The following FER1L6 variants were observed in gnomAD, a reference collection of about 807,000 sequenced individuals.
FER1L6 encodes the protein fer-1 like family member 6.
FER1L6 carries 177 observed loss-of-function variants against 219.2 expected under a neutral mutation model. That is an observed-to-expected ratio of 0.81 (90% confidence interval 0.71 to 0.91). The LOEUF (loss-of-function observed/expected upper bound fraction) is 0.91. Among genes scored for constraint, FER1L6 ranks in the 40% least tolerant of loss-of-function variants. The pLI is 0.00. For missense variants in FER1L6, 2,153 were observed against 2,259.9 expected (o/e 0.95, Z 0.96); for synonymous variants, 768 against 824.3 (o/e 0.93, Z 1.17).
chr8:124,061,365 G>A (rs2130828255), intron 24 of FER1L6, among the ~76,000 whole-genome samples: 1 of 152,146 alleles, frequency 6.6e-6, no homozygotes, highest in Non-Finnish European at 1.5e-5. Context: ...AGTTAGCAAA[G>A]CCTACAATGG....
At chr8:124,032,408 G>T (rs2130692593) in intron 18 of FER1L6, among the ~76,000 whole-genome samples, 2 of 152,164 alleles carry the variant, frequency 1.3e-5, no homozygotes, top group South Asian at 4.2e-4. Flanking sequence ...TTGGGTGACA[G>T]AGCAAGACTG....
rs773138663 is a variant in FER1L6, at chr8:123,943,239, A to C, written c.-7-12753A>C. Among the ~76,000 whole-genome samples the C allele has an allele frequency of 2.6e-5, 4 of 152,242 alleles. No individual in the cohort carries two copies. In the South Asian group the frequency reaches 8.3e-4, roughly 32 times the overall value. ...AAAACATGAGCAGGGGGTGGTGAAC[A>C]TGATTAAAAATCCAAGTATGTCTGG... is the stretch of plus-strand genomic sequence containing the variant. On this transcript the variant is annotated intron_variant, in intron 1 of 40. Transcript: ENST00000522917.
Position 124,097,672 on chromosome 8 carries a change from A to G in FER1L6, c.4785-113A>G, listed in dbSNP as rs1387438922. On this transcript the variant is annotated intron_variant, in intron 36 of 40. Transcript: ENST00000522917. The stretch of plus-strand genomic sequence containing the variant: ...AAGCCCCTAAGTGTTGATATTTCTG[A>G]ACTTGGCAAACTTTAGGAAACTTAT... 8 of 674,966 alleles carry G rather than the reference A, an allele frequency of 1.2e-5. No homozygotes were observed. The Admixed American group carries it at 1.5e-4, about 12-fold the overall frequency. 41.8% of individuals were successfully genotyped at this position (674,966 alleles called of 1,614,324 possible). A position where few individuals can be genotyped will look rare whatever the true frequency, so the allele number is the denominator to read the frequency against.
chr8:124,035,255 C>A, intron 18 of FER1L6, 22 bp from the exon 19 acceptor site: 1 of 1,606,586 alleles, frequency 6.2e-7, no homozygotes, highest in East Asian at 2.2e-5. Context: ...ATAAGTCAGT[C>A]TTTTTTGTAA....
chr8:124,001,885 G>C (rs1314552551), intron 12 of FER1L6, among the ~76,000 whole-genome samples: 1 of 152,212 alleles, frequency 6.6e-6, no homozygotes, highest in Non-Finnish European at 1.5e-5. Context: ...AATATGATGT[G>C]ACTTTAGGGA....
At chr8:123,989,731 A>G (rs1257031217) in intron 12 of FER1L6, among the ~76,000 whole-genome samples, 3 of 152,228 alleles carry the variant, frequency 2.0e-5, no homozygotes, top group Non-Finnish European at 4.4e-5. Flanking sequence ...GTTTGCTGCA[A>G]AAGACATTAT....
At position 123,874,248 on chromosome 8, in the gene FER1L6, C is replaced by T. The variant is rs141096845; in HGVS notation, c.-8+22063C>T. The stretch of plus-strand genomic sequence containing the variant: ...TTATCTCTTCTACTTTCCCAGATGA[C>T]GATTTCATACCTTCTTTTCTCAAGT... On this transcript the variant is annotated intron_variant, in intron 1 of 40. Coordinates refer to ENST00000522917, the MANE Select transcript of FER1L6 (RefSeq NM_001039112.2). Among the ~76,000 whole-genome samples, 685 of 152,288 alleles carry T rather than the reference C, an allele frequency of 4.5e-3. 5 individuals are homozygous for T. Among genetic ancestry groups the T allele is most frequent in the African/African-American group, 0.014 (591 of 41,564 alleles).
At chr8:124,069,290 A>G (rs1820963657) in intron 28 of FER1L6, 70 bp from the exon 29 acceptor site, 6 of 1,145,726 alleles carry the variant, frequency 5.2e-6, no homozygotes, top group South Asian at 1.3e-5. Context: ...AAAAGGAAAG[A>G]AGGAGCTTGG....
At chr8:123,920,045 T>C (rs910669446) in intron 1 of FER1L6, among the ~76,000 whole-genome samples, 1 of 152,218 alleles carries the variant, frequency 6.6e-6, no homozygotes, top group Non-Finnish European at 1.5e-5. Flanking sequence ...CAAATTCTTA[T>C]GAAGAATTGC....
intron 25 of FER1L6, among the ~76,000 whole-genome samples, chr8:124,063,968 C>T (rs1410372237): frequency 1.3e-5 from 2 of 152,184 alleles, no homozygotes; most frequent in East Asian, 3.9e-4. Context: ...CTTCATGGCT[C>T]TCTGGAGCTC....
intron 12 of FER1L6, among the ~76,000 whole-genome samples, chr8:124,001,577 C>T (rs1215064824): frequency 1.3e-5 from 2 of 152,168 alleles, no homozygotes; most frequent in African/African-American, 4.8e-5. Context: ...AACTCTAAGT[C>T]TCCTTCTTTT....
intron 1 of FER1L6, among the ~76,000 whole-genome samples, chr8:123,926,656 G>A (rs1228951706): frequency 6.6e-6 from 1 of 152,136 alleles, no homozygotes; most frequent in East Asian, 1.9e-4. Context: ...TATAAACTAT[G>A]AATAGCCACA....
rs113169497 is a variant in FER1L6 at position 124,091,540 on chromosome 8, C to T, written c.4509C>T (p.Asn1503=). The part of the protein sequence containing the change: ...YFHPGKIQIG[N]QVFSGKTIFT... Reference sequence around the variant, plus strand: ...ACCCTGGGAAAATACAGATAGGAAACCAAGTCTTTTCTGGAAAAACTATCT... The same window carrying T: ...ACCCTGGGAAAATACAGATAGGAAATCAAGTCTTTTCTGGAAAAACTATCT... The change falls in exon 34 of 41, where the codon AAC becomes AAT. Residue 1503 remains asparagine (N), a synonymous_variant. Coordinates refer to ENST00000522917, the MANE Select transcript of FER1L6 (RefSeq NM_001039112.2). The T allele has an allele frequency of 8.5e-4, 1,369 of 1,613,982 alleles. 2 individuals carry two copies. The highest frequency in any genetic ancestry group is 1.3e-3 in the Admixed American group (81 of 60,004).
intron 19 of FER1L6, among the ~76,000 whole-genome samples, chr8:124,039,092 C>T (rs940685425): frequency 6.6e-6 from 1 of 152,166 alleles, no homozygotes; most frequent in Non-Finnish European, 1.5e-5. Context: ...TATCCCAGCA[C>T]AGTGTGCTCA....
At chr8:123,903,577 A>G (rs565871625) in intron 1 of FER1L6, among the ~76,000 whole-genome samples, 14 of 152,198 alleles carry the variant, frequency 9.2e-5, no homozygotes, top group Non-Finnish European at 1.9e-4. Flanking sequence ...TTCAAAGAGC[A>G]TGTTTACGTA....
At chr8:123,933,136 G>C (rs1486058430) in intron 1 of FER1L6, among the ~76,000 whole-genome samples, 1 of 152,200 alleles carries the variant, frequency 6.6e-6, no homozygotes, top group African/African-American at 2.4e-5. Context: ...AGGTCTGGCT[G>C]TTCCCACTCC....
At chr8:124,030,334 G>A (rs754738283) in intron 18 of FER1L6, among the ~76,000 whole-genome samples, 13 of 152,074 alleles carry the variant, frequency 8.5e-5, no homozygotes, top group African/African-American at 2.2e-4. Context: ...TTGCGGTCCC[G>A]GGTTGCATGA....
chr8:124,062,813 A>G (rs1369447225), intron 25 of FER1L6, among the ~76,000 whole-genome samples: 1 of 152,176 alleles, frequency 6.6e-6, no homozygotes, highest in Non-Finnish European at 1.5e-5. Flanking sequence ...CCCAGTAAAT[A>G]CGCACATGTA....
At chr8:124,014,931 T>C (rs1444055267) in intron 15 of FER1L6, among the ~76,000 whole-genome samples, 1 of 152,098 alleles carries the variant, frequency 6.6e-6, no homozygotes, top group African/African-American at 2.4e-5. Flanking sequence ...AAGGTTCCAA[T>C]GGGATGGATT....
Sources: allele counts gnomAD v4.1 joint callset (sites outside exome capture counted in the v4.1 genomes callset), GRCh38; gene constraint gnomAD v4.1.1; transcripts MANE v1.5; gene names NCBI Gene and HGNC (gene_info 2026-07-23, HGNC 2026-07-21).